SESTD1: variants seen among roughly 807,000 people sequenced by gnomAD.
SESTD1 encodes the protein SEC14 and spectrin domain containing 1.
A neutral mutation model predicts 101.7 loss-of-function variants in SESTD1; 43 were observed. The ratio of observed to expected loss-of-function variants is 0.42; its 90% CI spans 0.33 to 0.55. The LOEUF is 0.55. Ranked by LOEUF, SESTD1 falls within the 20% of genes least tolerant of loss-of-function variation. The pLI is 0.07. For missense variants in SESTD1, 647 were observed against 815.1 expected, an observed-to-expected ratio of 0.79 and a Z score of 2.51; for synonymous variants, 283 against 286.8, an observed-to-expected ratio of 0.99 and a Z score of 0.13.
chr2:179,123,595 TTC>T (rs2044799999), intron 12 of SESTD1, 118 bp downstream of exon 12: 6 of 660,422 alleles, frequency 9.1e-6, no homozygotes, highest in Non-Finnish European at 1.3e-5. Flanking sequence ...TATACTATTT[TTC>T]TGTTTCCTGA....
intron 5 of SESTD1, among the ~76,000 whole-genome samples, chr2:179,158,506 GCT>G (rs1241493853): frequency 6.6e-6 from 1 of 152,044 alleles, no homozygotes. Flanking sequence ...TCTCTTAAAA[GCT>G]CTTTTTCCTA....
rs1559090433 is a variant in SESTD1, at chr2:179,106,313, A to T, written c.*3586T>A. 6.6e-6 allele frequency: 1 copy of T among 152,214 alleles called. No individual in the cohort carries two copies. Among genetic ancestry groups the T allele is most frequent in the Non-Finnish European group, 1.5e-5 (1 of 68,036 alleles). 9.4% of individuals were successfully genotyped at this position (152,214 alleles called of 1,614,324 possible). The stretch of plus-strand genomic sequence containing the variant: ...AGTATGTTTAGTTTTTAGTAGCAAC[A>T]GTATTTTACTACGGCCTTGTGTACT... On this transcript the variant is annotated 3_prime_UTR_variant, in exon 18 of 18. Transcript: ENST00000428443.
intron 1 of SESTD1, among the ~76,000 whole-genome samples, chr2:179,226,901 G>A (rs2046894608): frequency 6.6e-6 from 1 of 152,136 alleles, no homozygotes; most frequent in African/African-American, 2.4e-5. Context: ...GTGCCACTTA[G>A]CAGAATACAG....
At chr2:179,169,390 G>C (rs1429043332) in intron 5 of SESTD1, among the ~76,000 whole-genome samples, 1 of 151,796 alleles carries the variant, frequency 6.6e-6, no homozygotes, top group Non-Finnish European at 1.5e-5. Context: ...TCACCAAGAA[G>C]ACATAGCTAT....
At chr2:179,154,989 C>A (rs373719360) in intron 5 of SESTD1, among the ~76,000 whole-genome samples, 24 of 152,174 alleles carry the variant, frequency 1.6e-4, no homozygotes, top group Admixed American at 1.6e-3. Flanking sequence ...TTCTAGCTCA[C>A]TGTAGTCTCT....
chr2:179,215,334 AACC>A (rs2046706066), intron 1 of SESTD1, among the ~76,000 whole-genome samples: 1 of 135,262 alleles, frequency 7.4e-6, no homozygotes, highest in Admixed American at 7.2e-5. Flanking sequence ...CAGAAAAACA[AACC>A]ACCATCAGAG....
rs953746013 is a variant in SESTD1 at position 179,206,334 on chromosome 2, G to C, written c.-25-14468C>G. Among the ~76,000 whole-genome samples, 2 of 131,784 alleles carry C rather than the reference G, an allele frequency of 1.5e-5. 1 individual carries two copies. The highest frequency in any genetic ancestry group is 5.8e-5 in the African/African-American group (2 of 34,520). 86.5% of individuals were successfully genotyped at this position (131,784 alleles called of 152,430 possible). ...AACAGCTAAAAAACTGTGAATCAATGAAGTGTGAGAGGGGGAAAAGTCAGC... is the reference window on the plus strand; with the variant it reads ...AACAGCTAAAAAACTGTGAATCAATCAAGTGTGAGAGGGGGAAAAGTCAGC... On this transcript the variant is annotated intron_variant, in intron 1 of 17. Coordinates refer to ENST00000428443, the MANE Select transcript of SESTD1 (RefSeq NM_178123.5).
intron 9 of SESTD1, among the ~76,000 whole-genome samples, chr2:179,137,149 A>G (rs1027721786): frequency 6.6e-6 from 1 of 152,148 alleles, no homozygotes; most frequent in African/African-American, 2.4e-5. Flanking sequence ...TCTATCCCCA[A>G]TCCATATCAA....
chr2:179,176,001 G>T (rs2046005564), intron 4 of SESTD1, among the ~76,000 whole-genome samples: 1 of 152,102 alleles, frequency 6.6e-6, no homozygotes, highest in Non-Finnish European at 1.5e-5. Flanking sequence ...GGAAATAGGG[G>T]ACCAGAAGAG....
chr2:179,156,249 G>T (rs2045629287), intron 5 of SESTD1, among the ~76,000 whole-genome samples: 1 of 152,054 alleles, frequency 6.6e-6, no homozygotes, highest in Admixed American at 6.5e-5. Flanking sequence ...GGGGACTTGG[G>T]TTGGCTCTAT....
chr2:179,175,996 T>C (rs868556841), intron 4 of SESTD1, among the ~76,000 whole-genome samples: 2 of 152,108 alleles, frequency 1.3e-5, no homozygotes, highest in Admixed American at 1.3e-4. Flanking sequence ...ATGTAGGAAA[T>C]AGGGGACCAG....
chr2:179,111,342 A>G (rs996903315), intron 17 of SESTD1, among the ~76,000 whole-genome samples: 9 of 152,250 alleles, frequency 5.9e-5, no homozygotes, highest in Admixed American at 3.3e-4. Context: ...CTGGAAGATC[A>G]TGGCACAGTA....
intron 13 of SESTD1, among the ~76,000 whole-genome samples, chr2:179,118,550 C>T (rs1338566323): frequency 6.6e-6 from 1 of 151,092 alleles, no homozygotes; most frequent in Non-Finnish European, 1.5e-5. Context: ...TATCACAAGG[C>T]TTTTTTTTAA....
chr2:179,248,837 T>C (rs1181870516), intron 1 of SESTD1, among the ~76,000 whole-genome samples: 2 of 151,806 alleles, frequency 1.3e-5, no homozygotes, highest in Admixed American at 6.6e-5. Context: ...TCTCAGCACT[T>C]TGGGAGGCCA....
chr2:179,171,147 T>G (rs930986128), intron 5 of SESTD1, among the ~76,000 whole-genome samples: 2 of 152,146 alleles, frequency 1.3e-5, no homozygotes, highest in African/African-American at 4.8e-5. Flanking sequence ...ATTTCTTGAT[T>G]GTGGTTTTAT....
Position 179,149,059 on chromosome 2 carries a change from C to CAAAAAAA in SESTD1, c.581+231_581+237dup, listed in dbSNP as rs66636048. Among the ~76,000 whole-genome samples, 28 of 60,416 alleles carry CAAAAAAA rather than the reference C, an allele frequency of 4.6e-4. 1 individual carries two copies. The highest frequency in any genetic ancestry group is 8.1e-4 in the East Asian group (1 of 1,236). The allele number at this position is 60,416 out of a possible 152,430, so 39.6% of individuals were successfully genotyped here. On this transcript the variant is annotated intron_variant, in intron 7 of 17. Coordinates refer to ENST00000428443, the MANE Select transcript of SESTD1 (RefSeq NM_178123.5). ...TGGGTGACAGAGCAAGACTCCGTCTCAAAAAAAAAAAAAAAAAAAAAAAAA... is the reference window on the plus strand; with the variant it reads ...TGGGTGACAGAGCAAGACTCCGTCTCAAAAAAAAAAAAAAAAAAAAAAAAAAAAAAAA...
intron 1 of SESTD1, among the ~76,000 whole-genome samples, chr2:179,258,102 C>T (rs6759983): frequency 0.27 from 40,955 of 152,044 alleles, 5,937 homozygotes; most frequent in South Asian, 0.39. Flanking sequence ...TTATAAACTC[C>T]TTGAAAACAG....
chr2:179,252,367 A>G (rs577279043), intron 1 of SESTD1, among the ~76,000 whole-genome samples: 1 of 152,356 alleles, frequency 6.6e-6, no homozygotes, highest in Non-Finnish European at 1.5e-5. Context: ...CTGTCCTACT[A>G]GGAGAAATCT....
intron 1 of SESTD1, among the ~76,000 whole-genome samples, chr2:179,255,247 A>G (rs954301690): frequency 2.0e-5 from 3 of 152,240 alleles, no homozygotes; most frequent in African/African-American, 7.2e-5. Flanking sequence ...ATGAAAAGCT[A>G]GAAATGATTA....
Sources: allele counts gnomAD v4.1 joint callset (sites outside exome capture counted in the v4.1 genomes callset), GRCh38; gene constraint gnomAD v4.1.1; transcripts MANE v1.5; gene names NCBI Gene and HGNC (gene_info 2026-07-23, HGNC 2026-07-21).